Variants in PLXDC2 observed in about 807,000 individuals in gnomAD.
PLXDC2 encodes the protein plexin domain containing 2.
In PLXDC2, 40 loss-of-function variants were observed where a neutral mutation model predicts 68.9. The observed-to-expected ratio is 0.58, with a 90% confidence interval of 0.45 to 0.76. The LOEUF is 0.76. Among genes scored for constraint, PLXDC2 ranks in the 30% least tolerant of loss-of-function variants. The probability of loss-of-function intolerance (pLI) is 0.00; values close to 1 mark genes in which losing one functional copy is unlikely to be tolerated. For missense variants in PLXDC2, 644 were observed against 661.9 expected, an observed-to-expected ratio of 0.97 and a Z score of 0.30; for synonymous variants, 243 against 234.2, an observed-to-expected ratio of 1.04 and a Z score of -0.34.
intron 2 of PLXDC2, among the ~76,000 whole-genome samples, chr10:20,029,216 G>T (rs898645891): frequency 2.6e-5 from 4 of 151,922 alleles, no homozygotes; most frequent in African/African-American, 7.3e-5. Flanking sequence ...CTTGTCTTTA[G>T]TTCAGCGGTT....
chr10:20,073,293 A>G (rs1369164133), intron 4 of PLXDC2, among the ~76,000 whole-genome samples: 2 of 152,338 alleles, frequency 1.3e-5, no homozygotes, highest in South Asian at 4.1e-4. Flanking sequence ...TTTCCTTGAA[A>G]TCTATCTCTC....
chr10:20,188,120 T>C (rs1025549537), intron 9 of PLXDC2, among the ~76,000 whole-genome samples: 6 of 151,686 alleles, frequency 4.0e-5, no homozygotes, highest in Non-Finnish European at 8.8e-5. Context: ...GTGAATGTTA[T>C]TAAATATATA....
chr10:20,253,370 GATAATA>G (rs3051539), intron 13 of PLXDC2, among the ~76,000 whole-genome samples: 61 of 145,512 alleles, frequency 4.2e-4, no homozygotes, highest in South Asian at 3.1e-3. Context: ...GTCTCAAAAT[GATAATA>G]ATAATAATAA....
At chr10:20,094,415 A>AT (rs145162348) in intron 4 of PLXDC2, among the ~76,000 whole-genome samples, 3,803 of 152,222 alleles carry the variant, frequency 0.025, 72 homozygotes, top group South Asian at 0.067. Flanking sequence ...TATGGGTTTG[A>AT]TTTTCTGTCC....
intron 1 of PLXDC2, among the ~76,000 whole-genome samples, chr10:19,873,406 C>CTTTTTTT (rs1049862345): frequency 8.6e-5 from 10 of 115,666 alleles, no homozygotes; most frequent in Non-Finnish European, 1.4e-4. Context: ...TCTTCTTCGT[C>CTTTTTTT]TTTTTTTTTT....
intron 1 of PLXDC2, among the ~76,000 whole-genome samples, chr10:19,868,011 A>T (rs538944885): frequency 1.3e-5 from 2 of 152,340 alleles, no homozygotes; most frequent in Admixed American, 6.5e-5. Context: ...GCCTATTTAG[A>T]AATTAAAACT....
intron 1 of PLXDC2, among the ~76,000 whole-genome samples, chr10:19,866,966 G>A (rs1213993050): frequency 6.6e-6 from 1 of 151,864 alleles, no homozygotes; most frequent in African/African-American, 2.4e-5. Context: ...AAAAGAATAT[G>A]ATAGTTTGGC....
At chr10:20,056,688 CCTT>C (rs1426753678) in intron 3 of PLXDC2, among the ~76,000 whole-genome samples, 2 of 152,094 alleles carry the variant, frequency 1.3e-5, no homozygotes, top group African/African-American at 4.8e-5. Flanking sequence ...CAAGAAGTTG[CCTT>C]CTTATTTGAC....
At chr10:19,868,908 A>G (rs1395556530) in intron 1 of PLXDC2, among the ~76,000 whole-genome samples, 5 of 152,166 alleles carry the variant, frequency 3.3e-5, no homozygotes, top group African/African-American at 1.2e-4. Context: ...AATATGTAAG[A>G]TATTTTTATT....
At chr10:20,259,460 A>G (rs1835783129) in intron 13 of PLXDC2, among the ~76,000 whole-genome samples, 1 of 147,652 alleles carries the variant, frequency 6.8e-6, no homozygotes, top group Non-Finnish European at 1.5e-5. Context: ...CAGAACCATT[A>G]GGCATCAGAT....
chr10:20,203,837 A>C (rs926364067), intron 9 of PLXDC2, among the ~76,000 whole-genome samples: 1 of 152,306 alleles, frequency 6.6e-6, no homozygotes, highest in East Asian at 1.9e-4. Flanking sequence ...TTCCATCTGA[A>C]ACTCATCTCT....
intron 1 of PLXDC2, among the ~76,000 whole-genome samples, chr10:19,853,977 T>C (rs1837168084): frequency 6.6e-6 from 1 of 152,228 alleles, no homozygotes; most frequent in East Asian, 1.9e-4. Context: ...TCTGGTTGAG[T>C]CAGACCTGGG....
intron 4 of PLXDC2, among the ~76,000 whole-genome samples, chr10:20,135,074 TC>T (rs1833917404): frequency 6.6e-6 from 1 of 152,214 alleles, no homozygotes. Context: ...CTCACCTGGA[TC>T]TCTTAGTTCT....
At chr10:19,862,306 C>T (rs193268934) in intron 1 of PLXDC2, among the ~76,000 whole-genome samples, 2 of 152,230 alleles carry the variant, frequency 1.3e-5, no homozygotes, top group Admixed American at 6.5e-5. Context: ...TCCTCAGATA[C>T]GGTGTTTTTA....
At chr10:20,149,463 G>T (rs978402297) in intron 6 of PLXDC2, among the ~76,000 whole-genome samples, 7 of 151,414 alleles carry the variant, frequency 4.6e-5, no homozygotes, top group African/African-American at 1.5e-4. Context: ...GGTCTTGAAC[G>T]CCCTACCTCA....
chr10:20,271,157 A>ACACACACC (rs1475741538), intron 13 of PLXDC2, among the ~76,000 whole-genome samples: 1 of 151,974 alleles, frequency 6.6e-6, no homozygotes, highest in Non-Finnish European at 1.5e-5. Flanking sequence ...ACACACACAC[A>ACACACACC]CACACACAAA....
chr10:19,988,979 A>G (rs1456363927), intron 1 of PLXDC2, among the ~76,000 whole-genome samples: 8 of 151,708 alleles, frequency 5.3e-5, no homozygotes, highest in African/African-American at 1.9e-4. Flanking sequence ...TACTTTTAGT[A>G]GAGATGAAAT....
At chr10:19,986,231 A>G (rs575689887) in intron 1 of PLXDC2, among the ~76,000 whole-genome samples, 32 of 152,292 alleles carry the variant, frequency 2.1e-4, no homozygotes, top group Non-Finnish European at 3.7e-4. Context: ...TGAACTAGTG[A>G]GAGGTCTTTC....
intron 4 of PLXDC2, among the ~76,000 whole-genome samples, chr10:20,101,316 G>A (rs1327141773): frequency 2.0e-5 from 3 of 152,142 alleles, no homozygotes; most frequent in Non-Finnish European, 4.4e-5. Context: ...ATTGAATTAT[G>A]CACCCAAATA....
Sources: gnomAD v4.1 joint callset for allele counts (sites outside exome capture counted in the v4.1 genomes callset) on GRCh38, gnomAD v4.1.1 for gene constraint, MANE v1.5 for transcripts, NCBI Gene and HGNC (gene_info 2026-07-23, HGNC 2026-07-21) for gene names.